Variants in IL20RB observed in about 807,000 individuals in gnomAD.
The protein encoded by IL20RB is interleukin 20 receptor subunit beta.
In IL20RB, 21 loss-of-function variants were observed where a neutral mutation model predicts 33.3. The observed-to-expected ratio is 0.63, with a 90% CI of 0.45 to 0.91. The LOEUF is 0.91. IL20RB is among the 40% of genes least tolerant of loss of function. The pLI, the probability that IL20RB is intolerant of heterozygous loss-of-function variation, is 0.00. For synonymous variants in IL20RB, 147 were observed against 146.8 expected (o/e 1.00, Z -0.01); for missense variants, 345 against 384.8 (o/e 0.90, Z 0.86).
intron 1 of IL20RB, among the ~76,000 whole-genome samples, chr3:136,972,287 C>T (rs1206399392): frequency 1.3e-5 from 2 of 152,204 alleles, no homozygotes; most frequent in Non-Finnish European, 2.9e-5. Flanking sequence ...ATTGTCTCTT[C>T]ACTCAGCTGA....
intron 1 of IL20RB, among the ~76,000 whole-genome samples, chr3:136,962,584 T>A (rs1341994149): frequency 6.6e-6 from 1 of 151,950 alleles, no homozygotes; most frequent in East Asian, 1.9e-4. Flanking sequence ...AAACCCCGTC[T>A]TTACTAAAAA....
intron 5 of IL20RB, among the ~76,000 whole-genome samples, chr3:136,994,586 A>G (rs1248341029): frequency 6.6e-6 from 1 of 152,142 alleles, no homozygotes; most frequent in African/African-American, 2.4e-5. Flanking sequence ...TACCCTTCAC[A>G]TTGCAGGTGA....
At chr3:136,987,390 T>C (rs1941929761) in intron 3 of IL20RB, among the ~76,000 whole-genome samples, 1 of 152,170 alleles carries the variant, frequency 6.6e-6, no homozygotes, top group African/African-American at 2.4e-5. Flanking sequence ...CCTGAGCTAG[T>C]AGACACAGGG....
chr3:136,960,497 T>C (rs1051133706), intron 1 of IL20RB, among the ~76,000 whole-genome samples: 1 of 152,152 alleles, frequency 6.6e-6, no homozygotes, highest in Non-Finnish European at 1.5e-5. Flanking sequence ...TCCCAAATAA[T>C]AGTGTGTGAT....
rs1260884538 is a variant in IL20RB at position 136,989,581 on chromosome 3, T to C, written c.531+16T>C. 1.2e-6 allele frequency: 2 copies of C among 1,613,160 alleles called. No individual in the cohort carries two copies. The highest frequency in any genetic ancestry group is 1.7e-6 in the Non-Finnish European group (2 of 1,179,554). On this transcript the variant is annotated intron_variant, in intron 4 of 6. Transcript: ENST00000329582. ...TGGTGCCGAGGTGAGACTCCAGCCT[T>C]GGCCTTTGGGTCAGGCTTCGGGAAA...
chr3:136,963,635 T>C (rs997218245), intron 1 of IL20RB, among the ~76,000 whole-genome samples: 5 of 151,774 alleles, frequency 3.3e-5, no homozygotes, highest in Non-Finnish European at 7.4e-5. Flanking sequence ...ATTTTTCTAC[T>C]GCTGAGTTTT....
chr3:137,005,566 T>C, intron 6 of IL20RB, among the ~76,000 whole-genome samples: 1 of 152,232 alleles, frequency 6.6e-6, no homozygotes, highest in East Asian at 1.9e-4. Flanking sequence ...ACGTCTGTTT[T>C]ATCAGAGACT....
At chr3:136,975,845 G>T (rs145130480) in intron 1 of IL20RB, among the ~76,000 whole-genome samples, 3 of 152,166 alleles carry the variant, frequency 2.0e-5, no homozygotes, top group Non-Finnish European at 4.4e-5. Context: ...CACTGGTGTT[G>T]GTGGTTACCA....
At chr3:136,992,202 C>T (rs1942046519) in intron 5 of IL20RB, 114 bp downstream of exon 5, 1 of 1,132,344 alleles carries the variant, frequency 8.8e-7, no homozygotes, top group Admixed American at 2.6e-5. Flanking sequence ...TTTCACTGAC[C>T]TCCCTCATGG....
chr3:136,970,616 T>TTCCTTCCC (rs1553802723), intron 1 of IL20RB, among the ~76,000 whole-genome samples: 4 of 32,676 alleles, frequency 1.2e-4, no homozygotes, highest in Non-Finnish European at 2.2e-4. Flanking sequence ...TCTAGTTTCC[T>TTCCTTCCC]TCCTTCCTTC....
chr3:136,973,441 C>CA (rs988377991), intron 1 of IL20RB, among the ~76,000 whole-genome samples: 93 of 144,688 alleles, frequency 6.4e-4, no homozygotes, highest in South Asian at 1.1e-3. Context: ...CAGTGAATCT[C>CA]AAAAAAAAAA....
intron 1 of IL20RB, among the ~76,000 whole-genome samples, chr3:136,979,784 A>G (rs1183557056): frequency 1.3e-5 from 2 of 152,204 alleles, no homozygotes; most frequent in African/African-American, 4.8e-5. Flanking sequence ...CTGAGCCTGT[A>G]CTTCCCACCT....
chr3:136,989,276 CA>C (rs1191144337), intron 3 of IL20RB, among the ~76,000 whole-genome samples, 164 bp from the exon 4 acceptor site: 2 of 152,226 alleles, frequency 1.3e-5, no homozygotes, highest in Non-Finnish European at 2.9e-5. Flanking sequence ...CTGCTGCATA[CA>C]GGAGAGTATT....
chr3:136,979,419 C>A (rs903438501), intron 1 of IL20RB, among the ~76,000 whole-genome samples: 2 of 152,144 alleles, frequency 1.3e-5, no homozygotes, highest in Non-Finnish European at 2.9e-5. Context: ...TCCAGCCCCA[C>A]CCCCACTATG....
At chr3:136,982,453 G>T (rs361239) in intron 3 of IL20RB, 103 bp downstream of exon 3, 368,077 of 843,998 alleles carry the variant, frequency 0.44, 82,899 homozygotes, top group East Asian at 0.68. Context: ...GAATAGTCCT[G>T]CAAAGCCAGA....
intron 3 of IL20RB, 56 bp downstream of exon 3, chr3:136,982,406 A>G (rs2108199904): frequency 1.6e-6 from 2 of 1,277,282 alleles, no homozygotes. Flanking sequence ...TTTAGGAACC[A>G]TGTTCACCTA....
intron 4 of IL20RB, among the ~76,000 whole-genome samples, chr3:136,989,769 G>T (rs1941995588): frequency 6.6e-6 from 1 of 152,128 alleles, no homozygotes; most frequent in Non-Finnish European, 1.5e-5. Context: ...TCATGCCTTG[G>T]CTGGGAGCAT....
chr3:136,960,259 T>A (rs1941182308), intron 1 of IL20RB, among the ~76,000 whole-genome samples: 1 of 148,232 alleles, frequency 6.7e-6, no homozygotes, highest in African/African-American at 2.5e-5. Flanking sequence ...GCGATTCTCC[T>A]GCCTCAGCCT....
Position 136,966,429 on chromosome 3 carries a change from G to C in IL20RB, c.88+8228G>C, listed in dbSNP as rs1193532445. Reference sequence around the variant, plus strand: ...TTCTTCCTGGTTTAGTCTTGGGAGAGTGTATGTGTCGAGGAATGTATCCAT... The same window carrying C: ...TTCTTCCTGGTTTAGTCTTGGGAGACTGTATGTGTCGAGGAATGTATCCAT... On this transcript the variant is annotated intron_variant, in intron 1 of 6. Transcript: ENST00000329582. 6.1e-5 allele frequency among the ~76,000 whole-genome samples: 5 copies of C among 82,576 alleles called. 1 individual carries two copies. Among genetic ancestry groups the C allele is most frequent in the Non-Finnish European group, 9.3e-5 (4 of 42,984 alleles). The allele number at this position is 82,576 out of a possible 152,430, so 54.2% of individuals were successfully genotyped here. A position where few individuals can be genotyped will look rare whatever the true frequency, so the allele number is the denominator to read the frequency against.
Sources: gnomAD v4.1 joint callset for allele counts (sites outside exome capture counted in the v4.1 genomes callset) on GRCh38, gnomAD v4.1.1 for gene constraint, MANE v1.5 for transcripts, NCBI Gene and HGNC (gene_info 2026-07-23, HGNC 2026-07-21) for gene names.